The following LARGE1 variants were observed in gnomAD, a reference collection of about 807,000 sequenced individuals.
LARGE1 encodes the protein xylosyl- and glucuronyltransferase LARGE1.
LARGE1 carries 43 observed loss-of-function variants against 87.6 expected under a neutral mutation model. That is an observed-to-expected ratio of 0.49 (90% CI 0.38 to 0.63). The LOEUF is 0.63. Ranked by LOEUF, LARGE1 falls within the 30% of genes least tolerant of loss-of-function variation. The pLI is 0.00. For missense variants in LARGE1, 802 were observed against 1,000.2 expected, an observed-to-expected ratio of 0.80 and a Z score of 2.67; for synonymous variants, 434 against 394.6, an observed-to-expected ratio of 1.10 and a Z score of -1.18.
At chr22:33,149,556 A>G in the LARGE1 span, among the ~76,000 whole-genome samples, 4 of 152,296 alleles carry the variant, frequency 2.6e-5, no homozygotes, top group South Asian at 8.3e-4. Context: ...GCCATAACAA[A>G]TTGCCACAAA....
intron 11 of LARGE1, among the ~76,000 whole-genome samples, chr22:33,258,299 T>C (rs1057203283): frequency 5.9e-5 from 9 of 152,228 alleles, no homozygotes; most frequent in African/African-American, 1.9e-4. Context: ...CCCAAAGTGC[T>C]GGGATTACAG....
chr22:33,656,265 A>G (rs1200212916), intron 2 of LARGE1, among the ~76,000 whole-genome samples: 1 of 152,198 alleles, frequency 6.6e-6, no homozygotes, highest in Admixed American at 6.5e-5. Flanking sequence ...AGGTGAGGGA[A>G]GAACAAAGGC....
chr22:33,677,158 C>A (rs1490835236), intron 2 of LARGE1, among the ~76,000 whole-genome samples: 1 of 151,958 alleles, frequency 6.6e-6, no homozygotes, highest in Non-Finnish European at 1.5e-5. Context: ...GTTCTTCTCA[C>A]CATCCCCTGC....
chr22:33,689,004 A>T lies in LARGE1; in HGVS notation c.107-38336T>A, dbSNP rs74374446. Among the ~76,000 whole-genome samples, 581 of 152,268 alleles carry T rather than the reference A, an allele frequency of 3.8e-3. 1 individual carries two copies. The highest frequency in any genetic ancestry group is 0.014 in the Middle Eastern group (4 of 294). On this transcript the variant is annotated intron_variant, in intron 2 of 14. Coordinates refer to ENST00000397394, the MANE Select transcript of LARGE1 (RefSeq NM_133642.5). ...TTCCTAAGCACACATCTAAATGTAA[A>T]AACACTACATTAAGTATCAAGCCCT...
chr22:33,489,019 C>T (rs1200570893), intron 6 of LARGE1, among the ~76,000 whole-genome samples: 1 of 152,224 alleles, frequency 6.6e-6, no homozygotes, highest in African/African-American at 2.4e-5. Context: ...GCTCAGTCCA[C>T]CAGCAGTAGT....
At chr22:33,546,863 C>T (rs554594034) in intron 6 of LARGE1, among the ~76,000 whole-genome samples, 8 of 152,130 alleles carry the variant, frequency 5.3e-5, no homozygotes, top group Non-Finnish European at 1.2e-4. Context: ...GGATTACAGG[C>T]GTGAACCACC....
the LARGE1 span, among the ~76,000 whole-genome samples, chr22:33,096,974 C>T: frequency 6.6e-6 from 1 of 152,230 alleles, no homozygotes; most frequent in African/African-American, 2.4e-5. Context: ...CTGGGCAAGA[C>T]TGGGGAACCC....
the LARGE1 span, among the ~76,000 whole-genome samples, chr22:33,085,631 A>G: frequency 2.6e-5 from 4 of 152,234 alleles, no homozygotes; most frequent in Non-Finnish European, 5.9e-5. Context: ...TTTGCAGCCA[A>G]TGTACATAAT....
intron 5 of LARGE1, among the ~76,000 whole-genome samples, chr22:33,603,519 G>A (rs1257675918): frequency 6.6e-6 from 1 of 152,212 alleles, no homozygotes; most frequent in African/African-American, 2.4e-5. Context: ...CCTCTTTCCT[G>A]TGGAAGTCAG....
intron 7 of LARGE1, among the ~76,000 whole-genome samples, chr22:33,402,830 T>A (rs1335707224): frequency 6.6e-6 from 1 of 152,178 alleles, no homozygotes; most frequent in Non-Finnish European, 1.5e-5. Flanking sequence ...ATGATGATAC[T>A]GAGAGCTAAC....
intron 7 of LARGE1, among the ~76,000 whole-genome samples, chr22:33,412,290 C>CATATATAT (rs60502247): frequency 1.1e-3 from 165 of 149,304 alleles, no homozygotes; most frequent in Admixed American, 2.1e-3. Context: ...ATCTCAAAGT[C>CATATATAT]ATATATATAT....
At chr22:33,613,173 T>A (rs2079489789) in intron 4 of LARGE1, among the ~76,000 whole-genome samples, 1 of 152,172 alleles carries the variant, frequency 6.6e-6, no homozygotes, top group South Asian at 2.1e-4. Flanking sequence ...GCGGGCTAAC[T>A]ATCAGCAGCT....
chr22:33,795,967 G>A (rs538785544), intron 1 of LARGE1, among the ~76,000 whole-genome samples: 1 of 149,566 alleles, frequency 6.7e-6, no homozygotes, highest in East Asian at 2.0e-4. Context: ...CCTGCATATT[G>A]TGCACATGTA....
the LARGE1 span, among the ~76,000 whole-genome samples, chr22:33,081,002 T>C: frequency 6.9e-6 from 1 of 144,146 alleles, no homozygotes; most frequent in Non-Finnish European, 1.5e-5. Context: ...TCCACTCTTG[T>C]AGTAATTGGC....
chr22:33,533,408 T>C (rs1369971849), intron 6 of LARGE1, among the ~76,000 whole-genome samples: 1 of 152,122 alleles, frequency 6.6e-6, no homozygotes, highest in Non-Finnish European at 1.5e-5. Flanking sequence ...AGCTAGACAA[T>C]GAAGATGCTG....
intron 10 of LARGE1, among the ~76,000 whole-genome samples, chr22:33,336,637 C>T (rs1455433110): frequency 6.6e-6 from 1 of 152,182 alleles, no homozygotes; most frequent in African/African-American, 2.4e-5. Context: ...CCATGCCCTG[C>T]TTTTTCTGTT....
chr22:33,870,755 G>A (rs1472691559), intron 1 of LARGE1, among the ~76,000 whole-genome samples: 1 of 152,146 alleles, frequency 6.6e-6, no homozygotes, highest in Non-Finnish European at 1.5e-5. Context: ...TTTTAGTACA[G>A]ACAGGGTTTC....
intron 4 of LARGE1, among the ~76,000 whole-genome samples, chr22:33,625,686 G>A (rs2079898711): frequency 6.6e-6 from 1 of 152,144 alleles, no homozygotes; most frequent in African/African-American, 2.4e-5. Flanking sequence ...ACTTGCATAT[G>A]GCCTCCTTCT....
At chr22:33,263,127 C>T (rs1205902981) in intron 11 of LARGE1, among the ~76,000 whole-genome samples, 1 of 152,094 alleles carries the variant, frequency 6.6e-6, no homozygotes, top group African/African-American at 2.4e-5. Context: ...AACTCCTGAC[C>T]TTGTGATTCG....
Sources: gnomAD v4.1 joint callset for allele counts (sites outside exome capture counted in the v4.1 genomes callset) on GRCh38, gnomAD v4.1.1 for gene constraint, MANE v1.5 for transcripts, NCBI Gene and HGNC (gene_info 2026-07-23, HGNC 2026-07-21) for gene names.